FOXP2: variants seen among roughly 807,000 people sequenced by gnomAD.
FOXP2 encodes the protein forkhead box protein P2.
Under a neutral mutation model 115.8 loss-of-function variants are expected in FOXP2, and 12 were observed. The observed-to-expected ratio is 0.10, with a 90% CI of 0.07 to 0.17. The LOEUF is 0.17. FOXP2 is among the 10% of genes least tolerant of loss of function. The pLI is 1.00. For synonymous variants in FOXP2, 328 were observed against 297.7 expected (o/e 1.10, Z -1.05); for missense variants, 629 against 843.5 (o/e 0.75, Z 3.15).
chr7:114,255,901 A>G (rs1795598843), intron 1 of FOXP2, among the ~76,000 whole-genome samples: 1 of 152,110 alleles, frequency 6.6e-6, no homozygotes, highest in Admixed American at 6.5e-5. Context: ...GGAGCTGTAG[A>G]CTGGAGCTCT....
chr7:114,610,379 CAAAT>C (rs1584948889), intron 3 of FOXP2, among the ~76,000 whole-genome samples: 1 of 152,000 alleles, frequency 6.6e-6, no homozygotes. Flanking sequence ...ACTTTTTAAA[CAAAT>C]AAATTCTGTT....
At chr7:114,223,488 A>ATT (rs1045695134) in intron 1 of FOXP2, among the ~76,000 whole-genome samples, 4 of 147,058 alleles carry the variant, frequency 2.7e-5, no homozygotes, top group African/African-American at 9.9e-5. Context: ...TATTATATAC[A>ATT]TTATATATAT....
chr7:114,632,232 T>C (rs1251176312), intron 6 of FOXP2, among the ~76,000 whole-genome samples: 6 of 152,362 alleles, frequency 3.9e-5, no homozygotes, highest in Non-Finnish European at 5.9e-5. Context: ...ATATCCATTC[T>C]TTTTTCTCTC....
chr7:114,623,395 G>T (rs926780506), intron 3 of FOXP2, among the ~76,000 whole-genome samples: 1 of 151,868 alleles, frequency 6.6e-6, no homozygotes, highest in African/African-American at 2.4e-5. Context: ...TAGTGACCAT[G>T]CAAATGTTTC....
chr7:114,300,238 TA>T (rs1447944893), intron 2 of FOXP2, among the ~76,000 whole-genome samples: 1 of 152,112 alleles, frequency 6.6e-6, no homozygotes, highest in East Asian at 1.9e-4. Context: ...ATTCAATCTA[TA>T]TAACCATAGG....
chr7:114,151,707 T>G (rs1266426461), intron 1 of FOXP2, among the ~76,000 whole-genome samples: 1 of 152,130 alleles, frequency 6.6e-6, no homozygotes, highest in East Asian at 1.9e-4. Context: ...TGTGTTTTAT[T>G]TCATGCAATA....
intron 3 of FOXP2, among the ~76,000 whole-genome samples, chr7:114,582,634 A>G (rs893365136): frequency 6.6e-6 from 1 of 152,234 alleles, no homozygotes; most frequent in Admixed American, 6.5e-5. Context: ...GCATAAATCT[A>G]AAGAACATAA....
chr7:114,179,945 G>T (rs1292394281), intron 1 of FOXP2, among the ~76,000 whole-genome samples: 1 of 151,672 alleles, frequency 6.6e-6, no homozygotes, highest in Non-Finnish European at 1.5e-5. Flanking sequence ...GTACATTCTT[G>T]ACTCTTGGAC....
chr7:114,340,826 A>G (rs1791184740), intron 2 of FOXP2, among the ~76,000 whole-genome samples: 2 of 151,164 alleles, frequency 1.3e-5, no homozygotes, highest in African/African-American at 4.8e-5. Flanking sequence ...TGTAAAAATC[A>G]GTGTAACCTT....
intron 1 of FOXP2, among the ~76,000 whole-genome samples, chr7:114,214,598 A>G (rs1794441861): frequency 6.6e-6 from 1 of 152,198 alleles, no homozygotes; most frequent in South Asian, 2.1e-4. Flanking sequence ...AACAATCAAG[A>G]CACGGTATAG....
chr7:114,264,408 C>T (rs1404584050), intron 1 of FOXP2, among the ~76,000 whole-genome samples: 1 of 152,138 alleles, frequency 6.6e-6, no homozygotes, highest in Admixed American at 6.5e-5. Flanking sequence ...TGTTACTATG[C>T]CATTGTTGTT....
At chr7:114,305,160 C>G (rs952292222) in intron 2 of FOXP2, among the ~76,000 whole-genome samples, 1 of 152,098 alleles carries the variant, frequency 6.6e-6, no homozygotes, top group Non-Finnish European at 1.5e-5. Context: ...TTATTCATCT[C>G]ATCATTTGAT....
At chr7:114,684,019 T>C (rs954766324) in intron 16 of FOXP2, among the ~76,000 whole-genome samples, 1 of 152,118 alleles carries the variant, frequency 6.6e-6, no homozygotes, top group Admixed American at 6.6e-5. Context: ...AACATACCTC[T>C]TTAGTCATTC....
intron 2 of FOXP2, among the ~76,000 whole-genome samples, chr7:114,389,980 G>A (rs1289322093): frequency 7.4e-6 from 1 of 135,256 alleles, no homozygotes; most frequent in African/African-American, 2.7e-5. Flanking sequence ...GCTGAGATCG[G>A]ACCACTGCTC....
intron 1 of FOXP2, among the ~76,000 whole-genome samples, chr7:114,208,750 AAGG>A (rs1794266200): frequency 6.6e-6 from 1 of 152,036 alleles, no homozygotes; most frequent in Admixed American, 6.6e-5. Context: ...GTGGCTTTAT[AAGG>A]AGGAGTTTTC....
intron 1 of FOXP2, among the ~76,000 whole-genome samples, chr7:114,286,319 T>G (rs904385422): frequency 6.6e-6 from 1 of 152,016 alleles, no homozygotes; most frequent in Non-Finnish European, 1.5e-5. Context: ...TTGCCCTTCA[T>G]TTTTGAACTT....
At chr7:114,404,805 C>T (rs1443027542) in intron 2 of FOXP2, among the ~76,000 whole-genome samples, 2 of 151,930 alleles carry the variant, frequency 1.3e-5, no homozygotes, top group East Asian at 3.9e-4. Flanking sequence ...TTCTGTTATT[C>T]ATTTGAAGTG....
chr7:114,505,829 G>C (rs934653391), intron 2 of FOXP2, among the ~76,000 whole-genome samples: 6 of 151,558 alleles, frequency 4.0e-5, no homozygotes, highest in Admixed American at 4.0e-4. Flanking sequence ...TTATGTATAA[G>C]GGCGGGGGTA....
chr7:114,440,972 A>G (rs1794573006), intron 2 of FOXP2, among the ~76,000 whole-genome samples: 1 of 152,178 alleles, frequency 6.6e-6, no homozygotes, highest in African/African-American at 2.4e-5. Flanking sequence ...TTCTTAGAAA[A>G]TGTAACCTTT....
Sources: gnomAD v4.1 joint callset for allele counts (sites outside exome capture counted in the v4.1 genomes callset) on GRCh38, gnomAD v4.1.1 for gene constraint, MANE v1.5 for transcripts, NCBI Gene and HGNC (gene_info 2026-07-23, HGNC 2026-07-21) for gene names.